Variants in FAAP20 observed in about 807,000 individuals in gnomAD.
FAAP20 encodes the protein Fanconi anemia core complex-associated protein 20.
In FAAP20, 12 loss-of-function variants were observed where a neutral mutation model predicts 16.2. The ratio of observed to expected loss-of-function variants is 0.74; its 90% CI spans 0.48 to 1.20. FAAP20 has a LOEUF of 1.20. Ranked by LOEUF, FAAP20 falls within the 50% of genes most tolerant of loss-of-function variation. The pLI, the probability that FAAP20 is intolerant of heterozygous loss-of-function variation, is 0.00. For missense variants in FAAP20, 288 were observed against 245.8 expected (o/e 1.17, Z -1.15); for synonymous variants, 141 against 110.7 (o/e 1.27, Z -1.72).
chr1:2,199,537 G>A (rs1688964320), upstream of FAAP20: 11 of 985,864 alleles, frequency 1.1e-5, no homozygotes, highest in South Asian at 4.7e-5. This position sits in a 1 kb window ranked among gnomAD's most constrained non-coding sequence, Gnocchi z 4.5. Flanking sequence ...CAGAGTGCGC[G>A]GCACCAAGGA....
chr1:2,193,595 A>C, intron 3 of FAAP20, 44 bp downstream of exon 3: 1 of 1,575,062 alleles, frequency 6.3e-7, no homozygotes, highest in Non-Finnish European at 8.5e-7. Context: ...TGGTTTCCAA[A>C]CACGGATGGA....
chr1:2,189,100 C>T (rs1209136808), downstream of FAAP20, among the ~76,000 whole-genome samples: 3 of 151,108 alleles, frequency 2.0e-5, no homozygotes, highest in Non-Finnish European at 4.4e-5. Context: ...GAAGCCAAGG[C>T]GGGAGGATCG....
At chr1:2,207,004 G>T (rs567561458) in intron 1 of FAAP20, among the ~76,000 whole-genome samples, 2 of 152,172 alleles carry the variant, frequency 1.3e-5, no homozygotes, top group Admixed American at 1.3e-4. Context: ...CCGAAAACAC[G>T]GCAAGGTCAG....
At chr1:2,199,527 C>CA, upstream of FAAP20, 1 of 986,202 alleles carries the variant, frequency 1.0e-6, no homozygotes, top group Non-Finnish European at 1.2e-6. The surrounding 1 kb of genome is among the most constrained non-coding windows in gnomAD (Gnocchi z 4.5). Flanking sequence ...GGAAGCCTCT[C>CA]AGAGTGCGCG....
At chr1:2,211,748 C>T (rs553537722), downstream of FAAP20, among the ~76,000 whole-genome samples, 3 of 149,066 alleles carry the variant, frequency 2.0e-5, no homozygotes, top group African/African-American at 5.0e-5. Flanking sequence ...CGTGCCCGGC[C>T]AGTTTTTTAT....
At chr1:2,211,136 C>T (rs553262782), downstream of FAAP20, among the ~76,000 whole-genome samples, 42 of 152,184 alleles carry the variant, frequency 2.8e-4, no homozygotes, top group South Asian at 3.1e-3. Flanking sequence ...CATACCCCTA[C>T]TCTGGCCATC....
At chr1:2,186,495 CG>C (rs1331985423), downstream of FAAP20, among the ~76,000 whole-genome samples, 1 of 117,478 alleles carries the variant, frequency 8.5e-6, no homozygotes, top group African/African-American at 3.2e-5. Flanking sequence ...CCTGGACACC[CG>C]CCCCCCCCCG....
chr1:2,199,148 G>C (rs1217542759), upstream of FAAP20: 3 of 1,182,460 alleles, frequency 2.5e-6, no homozygotes, highest in Non-Finnish European at 3.2e-6. The surrounding 1 kb of genome is among the most constrained non-coding windows in gnomAD (Gnocchi z 4.5). Flanking sequence ...CAGCGGTCCT[G>C]TTTCTGAACC....
chr1:2,203,633 G>C, upstream of FAAP20: 6 of 986,042 alleles, frequency 6.1e-6, no homozygotes, highest in Non-Finnish European at 7.2e-6. Context: ...TCTGGGGCCT[G>C]AGCGGAGGGA....
downstream of FAAP20, among the ~76,000 whole-genome samples, chr1:2,211,414 TATATATATATATATATATATA>T (rs1398518222): frequency 1.4e-4 from 3 of 21,542 alleles, no homozygotes; most frequent in East Asian, 1.3e-3. Context: ...TATATATATA[TATATATATATATATATATATA>T]TTTTTTTTTT....
At chr1:2,186,659 C>T (rs940163561), downstream of FAAP20, among the ~76,000 whole-genome samples, 4 of 152,268 alleles carry the variant, frequency 2.6e-5, no homozygotes, top group South Asian at 2.1e-4. Context: ...CCCAGACCAG[C>T]GTGGGGATGC....
At position 2,194,142 on chromosome 1, in the gene FAAP20, G is replaced by C; in HGVS notation, c.63-9C>G. ...GGCGGCCGCCAGAAGGCCTGGGGCA[G>C]ACAGAGAGGGCAGACAGGGGGTACT... is the stretch of plus-strand genomic sequence containing the variant. On this transcript the variant is annotated splice_polypyrimidine_tract_variant and intron_variant, in intron 1 of 3. Coordinates refer to ENST00000378546, the MANE Select transcript of FAAP20 (RefSeq NM_182533.4). 2 of 1,611,998 alleles carry C rather than the reference G, an allele frequency of 1.2e-6. No homozygotes were observed. The highest frequency in any genetic ancestry group is 1.7e-6 in the Non-Finnish European group (2 of 1,179,792).
At chr1:2,195,325 C>A (rs1404312620), upstream of FAAP20, among the ~76,000 whole-genome samples, 1 of 152,200 alleles carries the variant, frequency 6.6e-6, no homozygotes, top group African/African-American at 2.4e-5. Context: ...CCTGCCTGGA[C>A]CCCGGGCTCT....
intron 3 of FAAP20, 51 bp from the exon 4 acceptor site, chr1:2,189,832 G>A (rs940508185): frequency 2.1e-6 from 3 of 1,403,886 alleles, no homozygotes; most frequent in Non-Finnish European, 3.0e-6. Context: ...CATGCTGGCC[G>A]CAGAGAGCAC....
upstream of FAAP20, among the ~76,000 whole-genome samples, chr1:2,197,271 G>A (rs945316281): frequency 6.6e-6 from 1 of 152,234 alleles, no homozygotes; most frequent in Non-Finnish European, 1.5e-5. Flanking sequence ...GAGCTTTGCT[G>A]GGGTCTTCAG....
chr1:2,187,106 G>A (rs545155764), downstream of FAAP20: 19 of 459,814 alleles, frequency 4.1e-5, no homozygotes, highest in African/African-American at 1.2e-4. Context: ...GGCGTGGTGC[G>A]GGGCAACTGC....
chr1:2,187,492 C>G (rs551187599), downstream of FAAP20, among the ~76,000 whole-genome samples: 1 of 151,668 alleles, frequency 6.6e-6, no homozygotes, highest in Admixed American at 6.6e-5. Context: ...TTAGTAGAGA[C>G]GGGGTTTCAC....
downstream of FAAP20, among the ~76,000 whole-genome samples, chr1:2,187,898 C>G (rs943432938): frequency 6.6e-6 from 1 of 152,128 alleles, no homozygotes; most frequent in Non-Finnish European, 1.5e-5. Context: ...CCCCGGAGAC[C>G]TCCTGTGCTC....
chr1:2,210,831 T>C (rs1273706114), downstream of FAAP20, among the ~76,000 whole-genome samples: 2 of 152,236 alleles, frequency 1.3e-5, no homozygotes, highest in East Asian at 3.8e-4. Flanking sequence ...CAATTTGGGC[T>C]GAGGGCAGAC....
Sources: allele counts gnomAD v4.1 joint callset (sites outside exome capture counted in the v4.1 genomes callset), GRCh38; gene constraint gnomAD v4.1.1; non-coding constraint Gnocchi (gnomAD v3.1); transcripts MANE v1.5; gene names NCBI Gene and HGNC (gene_info 2026-07-23, HGNC 2026-07-21).